Variants in VPS41 observed in about 807,000 individuals in gnomAD.
VPS41 encodes vacuolar protein sorting-associated protein 41 homolog.
Under a neutral mutation model 130.9 loss-of-function variants are expected in VPS41, and 85 were observed. The observed-to-expected ratio is 0.65, with a 90% CI of 0.55 to 0.78. The LOEUF is 0.78. Ranked by LOEUF, VPS41 falls within the 30% of genes least tolerant of loss-of-function variation. The pLI is 0.00. For synonymous variants in VPS41, 335 were observed against 332.9 expected (o/e 1.01, Z -0.07); for missense variants, 874 against 1,018.7 (o/e 0.86, Z 1.93).
chr7:38,726,189 G>T lies in VPS41; in HGVS notation c.*57C>A. 1.6e-6 allele frequency: 2 copies of T among 1,221,408 alleles called. No homozygotes were observed. Among genetic ancestry groups the T allele is most frequent in the Non-Finnish European group, 1.2e-6 (1 of 824,376 alleles). The allele number at this position is 1,221,408 out of a possible 1,614,324, so 75.7% of individuals were successfully genotyped here. A position where few individuals can be genotyped will look rare whatever the true frequency, so the allele number is the denominator to read the frequency against. On this transcript the variant is annotated 3_prime_UTR_variant, in exon 29 of 29. Coordinates refer to ENST00000310301, the MANE Select transcript of VPS41 (RefSeq NM_014396.4). The stretch of plus-strand genomic sequence containing the variant: ...ACGAGTGTCAACAAATGCTTTTGTT[G>T]TTGCAAAAACAGTCTCAAAAAGAGT...
chr7:38,810,354 C>G (rs1459726559), intron 7 of VPS41, among the ~76,000 whole-genome samples: 2 of 152,122 alleles, frequency 1.3e-5, no homozygotes, highest in Non-Finnish European at 2.9e-5. Flanking sequence ...ACTACAGTTT[C>G]AGGGTTTCTT....
At chr7:38,853,141 C>T (rs1430816141) in intron 4 of VPS41, among the ~76,000 whole-genome samples, 4 of 152,124 alleles carry the variant, frequency 2.6e-5, no homozygotes, top group East Asian at 1.9e-4. Flanking sequence ...AGAATGTGGC[C>T]GGGTGCGGTG....
chr7:38,858,485 C>A (rs1053129171), intron 4 of VPS41, among the ~76,000 whole-genome samples: 1 of 152,154 alleles, frequency 6.6e-6, no homozygotes, highest in Non-Finnish European at 1.5e-5. Context: ...TAGTTTTTCA[C>A]GAATCCTAAG....
chr7:38,805,791 A>T (rs1264303221), intron 7 of VPS41, among the ~76,000 whole-genome samples: 1 of 152,188 alleles, frequency 6.6e-6, no homozygotes, highest in Non-Finnish European at 1.5e-5. Context: ...TACACACTTC[A>T]GGGTCTACTC....
At chr7:38,834,447 TA>T (rs1785451068) in intron 4 of VPS41, among the ~76,000 whole-genome samples, 1 of 152,108 alleles carries the variant, frequency 6.6e-6, no homozygotes, top group Non-Finnish European at 1.5e-5. Flanking sequence ...CACACAAAAA[TA>T]GGCAAAACCA....
At chr7:38,867,648 T>C (rs1348810191) in intron 3 of VPS41, among the ~76,000 whole-genome samples, 2 of 152,142 alleles carry the variant, frequency 1.3e-5, no homozygotes, top group African/African-American at 4.8e-5. Flanking sequence ...TACCTGACAT[T>C]TTCAATCTTC....
intron 25 of VPS41, among the ~76,000 whole-genome samples, chr7:38,735,729 G>A (rs1167429724): frequency 6.6e-6 from 1 of 152,176 alleles, no homozygotes; most frequent in Non-Finnish European, 1.5e-5. Context: ...TCATGTATCT[G>A]AATAAATGTG....
intron 10 of VPS41, among the ~76,000 whole-genome samples, chr7:38,788,660 T>C (rs939935225): frequency 6.6e-6 from 1 of 152,206 alleles, no homozygotes; most frequent in African/African-American, 2.4e-5. Context: ...CAATTATCTA[T>C]ATAGTCTAGT....
chr7:38,840,118 T>C (rs1785579994), intron 4 of VPS41, among the ~76,000 whole-genome samples: 1 of 152,212 alleles, frequency 6.6e-6, no homozygotes. Context: ...GGGGAATTCT[T>C]TCAGCATTCC....
intron 2 of VPS41, among the ~76,000 whole-genome samples, chr7:38,880,608 A>G (rs1023583823): frequency 6.6e-6 from 1 of 152,194 alleles, no homozygotes; most frequent in Non-Finnish European, 1.5e-5. Flanking sequence ...CGATTCTGAG[A>G]GACGTATTTA....
Position 38,728,350 on chromosome 7 carries a change from TG to T in VPS41, c.2404+191del. The T allele has an allele frequency of 3.1e-5, 23 of 740,444 alleles. No homozygotes were observed. In the South Asian group the frequency reaches 3.4e-4, roughly 11 times the overall value. 45.9% of individuals were successfully genotyped at this position (740,444 alleles called of 1,614,324 possible). ...GGTGACGATGACTCACCCTAGAGCT[TG>T]AGAACCTCAGCTCTAAGCAATGGCA... On this transcript the variant is annotated intron_variant, in intron 27 of 28. Coordinates refer to ENST00000310301, the MANE Select transcript of VPS41 (RefSeq NM_014396.4).
chr7:38,825,234 A>G (rs1316873554), intron 5 of VPS41, among the ~76,000 whole-genome samples: 1 of 152,214 alleles, frequency 6.6e-6, no homozygotes, highest in African/African-American at 2.4e-5. Flanking sequence ...TTAACTGAGC[A>G]ACATTTTCCT....
intron 10 of VPS41, among the ~76,000 whole-genome samples, chr7:38,782,854 C>T (rs1275230147): frequency 5.3e-5 from 8 of 152,216 alleles, no homozygotes; most frequent in South Asian, 2.1e-4. Flanking sequence ...CGGTGGCTCA[C>T]GCCTTTAATC....
intron 1 of VPS41, among the ~76,000 whole-genome samples, chr7:38,905,948 C>A (rs1787251129): frequency 6.6e-6 from 1 of 151,990 alleles, no homozygotes; most frequent in Non-Finnish European, 1.5e-5. Flanking sequence ...CGCCCACCAC[C>A]ATGCCTGACT....
intron 5 of VPS41, among the ~76,000 whole-genome samples, chr7:38,827,392 C>T (rs1034595403): frequency 9.2e-5 from 14 of 152,154 alleles, no homozygotes; most frequent in African/African-American, 3.1e-4. Flanking sequence ...ATTTTCTATA[C>T]AACCTATGTA....
rs535037465 is a variant in VPS41, at chr7:38,783,358, A to G, written c.784+6443T>C. Among the ~76,000 whole-genome samples, 5 of 152,072 alleles carry G rather than the reference A, an allele frequency of 3.3e-5. No individual in the cohort carries two copies. In the East Asian group the frequency reaches 9.7e-4, roughly 30 times the overall value. ...AAGACCAGCCTGGCCAAGAAGGTGA[A>G]ACCCCATCTCTACTAAAAATACAAA... On this transcript the variant is annotated intron_variant, in intron 10 of 28. Transcript: ENST00000310301.
At chr7:38,834,427 ATT>A (rs1436118302) in intron 4 of VPS41, among the ~76,000 whole-genome samples, 1 of 152,204 alleles carries the variant, frequency 6.6e-6, no homozygotes, top group Non-Finnish European at 1.5e-5. Flanking sequence ...GTGTGATTCC[ATT>A]TACATAACAC....
intron 12 of VPS41, 108 bp from the exon 13 acceptor site, chr7:38,772,745 T>G (rs1441150305): frequency 3.1e-6 from 2 of 637,974 alleles, no homozygotes; most frequent in Non-Finnish European, 5.5e-6. Flanking sequence ...GAACAGAAAA[T>G]GTGTCTATCT....
At chr7:38,842,504 G>A (rs1785628348) in intron 4 of VPS41, among the ~76,000 whole-genome samples, 1 of 152,138 alleles carries the variant, frequency 6.6e-6, no homozygotes, top group Non-Finnish European at 1.5e-5. Flanking sequence ...TAATTATTAA[G>A]AGCTGCCCTT....
Sources: allele counts gnomAD v4.1 joint callset (sites outside exome capture counted in the v4.1 genomes callset), GRCh38; gene constraint gnomAD v4.1.1; transcripts MANE v1.5; gene names NCBI Gene and HGNC (gene_info 2026-07-23, HGNC 2026-07-21).